Variants in MED16 observed in about 807,000 individuals in gnomAD.
The protein encoded by MED16 is mediator of RNA polymerase II transcription subunit 16.
Under a neutral mutation model 84.4 loss-of-function variants are expected in MED16, and 81 were observed. The ratio of observed to expected loss-of-function variants is 0.96; its 90% CI spans 0.80 to 1.15. The LOEUF (loss-of-function observed/expected upper bound fraction) is 1.15, where lower values mean the gene tolerates loss of function less well. Among genes scored for constraint, MED16 ranks in the 50% most tolerant of loss-of-function variants. The pLI is 0.00. For missense variants in MED16, 1,585 were observed against 1,245.9 expected (o/e 1.27, Z -4.10); for synonymous variants, 897 against 552.2 (o/e 1.62, Z -8.76).
At chr19:884,739 G>A (rs112167623) in intron 6 of MED16, among the ~76,000 whole-genome samples, 164 bp downstream of exon 6, 20 of 152,322 alleles carry the variant, frequency 1.3e-4, no homozygotes, top group African/African-American at 4.6e-4. Context: ...GCAGGCGCGC[G>A]GTCACACCCG....
chr19:890,079 G>T (rs2036603208), intron 3 of MED16, 58 bp downstream of exon 3: 18 of 1,322,936 alleles, frequency 1.4e-5, no homozygotes, highest in Non-Finnish European at 1.8e-5. Context: ...GAAACACAGG[G>T]CCCCCCTGCT....
At chr19:879,313 CA>C (rs1363274520) in intron 8 of MED16, among the ~76,000 whole-genome samples, 1 of 152,066 alleles carries the variant, frequency 6.6e-6, no homozygotes, top group Non-Finnish European at 1.5e-5. Flanking sequence ...CAATGCCCAC[CA>C]AGCCCAGCCC....
chr19:870,403 A>T (rs372664627), intron 13 of MED16, among the ~76,000 whole-genome samples: 1 of 152,046 alleles, frequency 6.6e-6, no homozygotes, highest in East Asian at 1.9e-4. Flanking sequence ...TATACCAAAA[A>T]TACAAAAAAT....
At chr19:890,742 G>T (rs553602064) in intron 2 of MED16, among the ~76,000 whole-genome samples, 1 of 152,188 alleles carries the variant, frequency 6.6e-6, no homozygotes, top group Non-Finnish European at 1.5e-5. Flanking sequence ...TCCCGCACAC[G>T]GGGCGATCTC....
At chr19:881,265 C>A (rs1432498041) in intron 7 of MED16, among the ~76,000 whole-genome samples, 3 of 152,192 alleles carry the variant, frequency 2.0e-5, no homozygotes, top group Non-Finnish European at 4.4e-5. Flanking sequence ...TGCCGCCTAC[C>A]CAGGAAGGAG....
Position 871,086 on chromosome 19 carries a change from G to A in MED16, c.2266C>T (p.Pro756Ser). ...GTGGCAGCACTGCCAGGCAGCGTGG[G>A]CGCCCGGCCAAACTGCAGACGAAGG... ...QPLRLQFGRA[P>S]TLPGSAATLQ... Residue 756 changes from proline to serine, a missense_variant, in exon 13 of 16, where the codon CCC (proline) becomes TCC (serine). Transcript: ENST00000325464. 6.5e-7 allele frequency: 1 copy of A among 1,547,882 alleles called. No individual in the cohort carries two copies. The highest frequency in any genetic ancestry group is 8.7e-7 in the Non-Finnish European group (1 of 1,145,540).
At chr19:872,294 C>T (rs2036095066) in intron 11 of MED16, among the ~76,000 whole-genome samples, 176 bp from the exon 12 acceptor site, 1 of 151,962 alleles carries the variant, frequency 6.6e-6, no homozygotes, top group Admixed American at 6.6e-5. Context: ...GGGGACGCTG[C>T]TCAGAGCCCT....
intron 6 of MED16, 137 bp from the exon 7 acceptor site, chr19:881,851 CAGA>C: frequency 9.4e-6 from 10 of 1,061,760 alleles, no homozygotes; most frequent in Non-Finnish European, 1.2e-5. Context: ...CTCCCATGCC[CAGA>C]AGACCAGGCC....
chr19:883,113 C>T (rs1483019923), intron 6 of MED16, among the ~76,000 whole-genome samples: 2 of 152,370 alleles, frequency 1.3e-5, no homozygotes, highest in East Asian at 1.9e-4. Flanking sequence ...CTCCTCCATC[C>T]AACTGACGGC....
chr19:880,624 T>C (rs1353225908), intron 7 of MED16, among the ~76,000 whole-genome samples: 1 of 152,020 alleles, frequency 6.6e-6, no homozygotes, highest in Non-Finnish European at 1.5e-5. Context: ...GTCCCTGCAG[T>C]AGAGAGGCTG....
intron 12 of MED16, chr19:871,539 T>G: frequency 1.3e-6 from 2 of 1,579,216 alleles, no homozygotes; most frequent in Non-Finnish European, 1.7e-6. Flanking sequence ...CACTGGGATG[T>G]AAGAATGACA....
chr19:871,914 G>T lies in MED16; in HGVS notation c.2098+12C>A, dbSNP rs533797832. 2.5e-5 allele frequency: 38 copies of T among 1,523,488 alleles called. 1 individual carries two copies. In the South Asian group the frequency reaches 2.5e-4, roughly 10 times the overall value. 94.4% of individuals were successfully genotyped at this position (1,523,488 alleles called of 1,614,324 possible). ...AGCGGGGAGAGGGGAGGGGCGGGCG[G>T]GGGTGCCTCACAGCAGATCCAGAGC... On this transcript the variant is annotated intron_variant, in intron 12 of 15. Coordinates refer to ENST00000325464, the MANE Select transcript of MED16 (RefSeq NM_005481.3).
chr19:886,922 C>CA (rs527593890), intron 4 of MED16, among the ~76,000 whole-genome samples: 36 of 151,770 alleles, frequency 2.4e-4, no homozygotes, highest in African/African-American at 7.7e-4. Context: ...ATAAAAAATA[C>CA]AAAAAAATTA....
At chr19:872,763 G>A (rs992046785) in intron 11 of MED16, 2 of 174,576 alleles carry the variant, frequency 1.1e-5, no homozygotes, top group African/African-American at 2.4e-5. Context: ...CCAGGCGCAG[G>A]GAGCTGGGGA....
intron 9 of MED16, among the ~76,000 whole-genome samples, chr19:875,834 C>A (rs2036217534): frequency 6.6e-6 from 1 of 152,162 alleles, no homozygotes; most frequent in South Asian, 2.1e-4. Context: ...CGGGGAGACC[C>A]TGGTCTAGAG....
chr19:888,725 T>G (rs186596242), intron 4 of MED16, among the ~76,000 whole-genome samples: 120 of 151,368 alleles, frequency 7.9e-4, no homozygotes, highest in Middle Eastern at 6.8e-3. Flanking sequence ...GGGTGGGGAG[T>G]GCACCCCGGA....
intron 5 of MED16, 86 bp from the exon 6 acceptor site, chr19:885,094 G>T: frequency 3.0e-6 from 3 of 995,050 alleles, no homozygotes; most frequent in Non-Finnish European, 4.6e-6. Context: ...GGACCCTGGG[G>T]CCACGCACTG....
chr19:882,442 C>G (rs144757347), intron 6 of MED16, among the ~76,000 whole-genome samples: 19 of 152,258 alleles, frequency 1.2e-4, no homozygotes, highest in African/African-American at 4.3e-4. Flanking sequence ...TAGGATTGCT[C>G]GAGCCCAGGA....
chr19:871,195 C>T lies in MED16; in HGVS notation c.2157G>A (p.Leu719=), dbSNP rs1458143994. 8 of 1,550,474 alleles carry T rather than the reference C, an allele frequency of 5.2e-6. No homozygotes were observed. Among genetic ancestry groups the T allele is most frequent in the Non-Finnish European group, 7.0e-6 (8 of 1,146,890 alleles). ...TGGGGATAAGCAGCTGGCTGGGCAG[C>T]AGGCAGCATTCATCCACCAGCGCCT... ...PDEALVDECC[L]LPSQLLIPSL... The change falls in exon 13 of 16, where the codon CTG becomes CTA. Residue 719 remains leucine (L), a synonymous_variant. Coordinates refer to ENST00000325464, the MANE Select transcript of MED16 (RefSeq NM_005481.3).
Sources: gnomAD v4.1 joint callset for allele counts (sites outside exome capture counted in the v4.1 genomes callset) on GRCh38, gnomAD v4.1.1 for gene constraint, MANE v1.5 for transcripts, NCBI Gene and HGNC (gene_info 2026-07-23, HGNC 2026-07-21) for gene names.